Variants in RPS6KA3 observed in about 807,000 individuals in gnomAD.
The protein encoded by RPS6KA3 is ribosomal protein S6 kinase A3, also known as ribosomal protein S6 kinase alpha-3.
In RPS6KA3, 4 loss-of-function variants were observed where a neutral mutation model predicts 67.2. That is an observed-to-expected ratio of 0.06 (90% CI 0.03 to 0.14). RPS6KA3 has a LOEUF of 0.14. Ranked by LOEUF, RPS6KA3 falls within the 10% of genes least tolerant of loss-of-function variation. RPS6KA3 has a pLI of 1.00. For missense variants in RPS6KA3, 204 were observed against 559.0 expected (o/e 0.36, Z 6.40); for synonymous variants, 182 against 183.7 (o/e 0.99, Z 0.07).
At chrX:20,217,690 T>C (rs1471709470) in intron 2 of RPS6KA3, among the ~76,000 whole-genome samples, 1 of 112,482 alleles carries the variant, frequency 8.9e-6, no homozygotes, top group African/African-American at 3.2e-5. Context: ...AAATGCATAC[T>C]TTATTTGCCC....
intron 15 of RPS6KA3, among the ~76,000 whole-genome samples, chrX:20,170,218 A>G (rs1439294097): frequency 2.7e-5 from 3 of 112,364 alleles, no homozygotes; most frequent in Non-Finnish European, 3.8e-5. Flanking sequence ...TATATAAAAA[A>G]GACAAATTTT....
At chrX:20,159,359 C>A (rs186575691) in intron 20 of RPS6KA3, among the ~76,000 whole-genome samples, 283 of 112,434 alleles carry the variant, frequency 2.5e-3, no homozygotes, top group African/African-American at 8.5e-3. Flanking sequence ...AGTCTTCTTG[C>A]TCTGAAAGCC....
chrX:20,231,397 T>C (rs977096505), intron 2 of RPS6KA3, among the ~76,000 whole-genome samples: 2 of 112,149 alleles, frequency 1.8e-5, no homozygotes, highest in East Asian at 2.8e-4. Flanking sequence ...AAAATCCCAA[T>C]AAATTTTTCA....
At position 20,231,683 on chromosome X, in the gene RPS6KA3, T is replaced by C. The variant is rs1055226236; in HGVS notation, c.126+3075A>G. ...TGTGACCTTATTTGAAACCAGTGTC[T>C]TTGCAGATGTAATTAAGATGAAGTC... On this transcript the variant is annotated intron_variant, in intron 2 of 21. Transcript: ENST00000379565. Among the ~76,000 whole-genome samples, 9 of 111,928 alleles carry C rather than the reference T, an allele frequency of 8.0e-5. No homozygotes were observed. In the South Asian group the frequency reaches 2.6e-3, roughly 32 times the overall value.
At chrX:20,232,437 G>T (rs778262289) in intron 2 of RPS6KA3, among the ~76,000 whole-genome samples, 1 of 111,453 alleles carries the variant, frequency 9.0e-6, no homozygotes, top group Admixed American at 9.5e-5. Context: ...GCCAGGCGTG[G>T]TGGCGCGTGC....
intron 1 of RPS6KA3, among the ~76,000 whole-genome samples, chrX:20,263,095 T>C (rs1333095506): frequency 8.9e-6 from 1 of 112,352 alleles, no homozygotes. Context: ...TTAATACACA[T>C]TGTATACAAC....
At chrX:20,173,891 A>G (rs1468677399) in intron 14 of RPS6KA3, among the ~76,000 whole-genome samples, 1 of 112,768 alleles carries the variant, frequency 8.9e-6, no homozygotes, top group Non-Finnish European at 1.9e-5. Flanking sequence ...CAATGCTTCA[A>G]AAGATATATC....
chrX:20,188,011 A>T lies in RPS6KA3; in HGVS notation c.632-41T>A, dbSNP rs1199218664. On this transcript the variant is annotated intron_variant, in intron 8 of 21. Transcript: ENST00000379565. ...TCATAAATATCCTACATAAATTTGC[A>T]CATGTAAATTTTAAACTTTGAGTTC... 4 of 1,148,116 alleles carry T rather than the reference A, an allele frequency of 3.5e-6. No homozygotes were observed. In the African/African-American group the frequency reaches 5.3e-5, roughly 15 times the overall value. 94.6% of individuals were successfully genotyped at this position (1,148,116 alleles called of 1,213,427 possible).
chrX:20,192,592 CTTTTT>C (rs1159974637), intron 7 of RPS6KA3, among the ~76,000 whole-genome samples: 2 of 45,391 alleles, frequency 4.4e-5, no homozygotes, highest in Non-Finnish European at 7.2e-5. Context: ...TGTAAATTTT[CTTTTT>C]TTTTTTTTTT....
intron 2 of RPS6KA3, among the ~76,000 whole-genome samples, chrX:20,223,764 T>C (rs191893467): frequency 2.7e-5 from 3 of 112,086 alleles, no homozygotes; most frequent in African/African-American, 9.7e-5. Flanking sequence ...CTGTAAATAT[T>C]TGGGTTGTTA....
intron 1 of RPS6KA3, among the ~76,000 whole-genome samples, chrX:20,240,153 C>T (rs5955895): frequency 0.037 from 4,030 of 108,044 alleles, 106 homozygotes; most frequent in African/African-American, 0.093. Flanking sequence ...AATGGACGTA[C>T]GGACATTAAG....
chrX:20,172,294 TA>T (rs769010478), intron 15 of RPS6KA3, among the ~76,000 whole-genome samples: 12 of 112,209 alleles, frequency 1.1e-4, no homozygotes, highest in African/African-American at 3.9e-4. Flanking sequence ...TTGATGAAAT[TA>T]AAACAGCCAA....
At chrX:20,191,339 A>G (rs2068121936) in intron 7 of RPS6KA3, among the ~76,000 whole-genome samples, 1 of 111,693 alleles carries the variant, frequency 9.0e-6, no homozygotes, top group African/African-American at 3.3e-5. Flanking sequence ...ATACGTGTGC[A>G]TGTGTCTTTA....
intron 2 of RPS6KA3, among the ~76,000 whole-genome samples, chrX:20,210,285 A>G (rs1276517309): frequency 8.9e-6 from 1 of 112,275 alleles, no homozygotes; most frequent in Non-Finnish European, 1.9e-5. Context: ...AAATTACAAC[A>G]AAACAAAACC....
intron 14 of RPS6KA3, among the ~76,000 whole-genome samples, chrX:20,173,398 C>T (rs1446644939): frequency 2.7e-5 from 3 of 111,902 alleles, no homozygotes; most frequent in Non-Finnish European, 5.6e-5. Flanking sequence ...TACCTGTTAT[C>T]GCCATTTTGG....
At chrX:20,230,466 G>C (rs1004418149) in intron 2 of RPS6KA3, among the ~76,000 whole-genome samples, 1 of 112,105 alleles carries the variant, frequency 8.9e-6, no homozygotes, top group African/African-American at 3.2e-5. Flanking sequence ...GAATTAAGTA[G>C]TGGGGATGGC....
intron 3 of RPS6KA3, among the ~76,000 whole-genome samples, chrX:20,208,798 C>T (rs2068637258): frequency 9.0e-6 from 1 of 111,610 alleles, no homozygotes; most frequent in Non-Finnish European, 1.9e-5. Context: ...GGATAAAATG[C>T]AAACTTTGCA....
chrX:20,168,736 A>G (rs1343360904), intron 16 of RPS6KA3, among the ~76,000 whole-genome samples: 1 of 112,672 alleles, frequency 8.9e-6, no homozygotes, highest in African/African-American at 3.2e-5. Flanking sequence ...TCTTAAAGCA[A>G]AAGTAGAAAA....
At chrX:20,244,438 T>A (rs972623149) in intron 1 of RPS6KA3, among the ~76,000 whole-genome samples, 1 of 112,581 alleles carries the variant, frequency 8.9e-6, no homozygotes, top group East Asian at 2.8e-4. Context: ...GTCAAGGAAA[T>A]AAGTAACAGC....
Sources: gnomAD v4.1 joint callset for allele counts (sites outside exome capture counted in the v4.1 genomes callset) on GRCh38, gnomAD v4.1.1 for gene constraint, MANE v1.5 for transcripts, NCBI Gene and HGNC (gene_info 2026-07-23, HGNC 2026-07-21) for gene names.